ZNF410: variants seen among roughly 807,000 people sequenced by gnomAD.
ZNF410 encodes the protein another partner for ARF 1.
A neutral mutation model predicts 54.8 loss-of-function variants in ZNF410; 18 were observed. That is an observed-to-expected ratio of 0.33 (90% CI 0.23 to 0.49). ZNF410 has a LOEUF of 0.49. Ranked by LOEUF, ZNF410 falls within the 20% of genes least tolerant of loss-of-function variation. The pLI, the probability that ZNF410 is intolerant of heterozygous loss-of-function variation, is 0.99. For missense variants in ZNF410, 405 were observed against 569.6 expected, an observed-to-expected ratio of 0.71 and a Z score of 2.94; for synonymous variants, 191 against 207.3, an observed-to-expected ratio of 0.92 and a Z score of 0.68.
At chr14:73,908,675 C>A (rs1238558158) in intron 7 of ZNF410, among the ~76,000 whole-genome samples, 1 of 152,164 alleles carries the variant, frequency 6.6e-6, no homozygotes, top group Admixed American at 6.5e-5. Flanking sequence ...ATTCCTGGTG[C>A]CTGAAATTTC....
chr14:73,899,129 G>A (rs2055367100), intron 5 of ZNF410, among the ~76,000 whole-genome samples: 1 of 151,260 alleles, frequency 6.6e-6, no homozygotes, highest in South Asian at 2.1e-4. Flanking sequence ...ACAGTTGTTT[G>A]GAGTTTATGC....
chr14:73,909,045 A>T (rs938351473), intron 7 of ZNF410, among the ~76,000 whole-genome samples: 5 of 152,214 alleles, frequency 3.3e-5, no homozygotes, highest in Non-Finnish European at 7.3e-5. Flanking sequence ...ATATCCTCAG[A>T]TGGTGGGAGT....
intron 5 of ZNF410, among the ~76,000 whole-genome samples, chr14:73,900,159 C>T (rs937457315): frequency 6.7e-6 from 1 of 150,366 alleles, no homozygotes; most frequent in Non-Finnish European, 1.5e-5. Context: ...CACCACTGCA[C>T]TCCAGCCTGG....
intron 8 of ZNF410, among the ~76,000 whole-genome samples, chr14:73,918,997 C>CTTTTTTTTTT: frequency 1.6e-5 from 1 of 60,622 alleles, no homozygotes; most frequent in Non-Finnish European, 2.7e-5. Flanking sequence ...CGTGCCCGGC[C>CTTTTTTTTTT]TTTTTTTTTT....
rs1283292853 is a variant in ZNF410 at position 73,893,951 on chromosome 14, A to G, written c.169+19A>G. 1.9e-6 allele frequency: 3 copies of G among 1,603,510 alleles called. No homozygotes were observed. The highest frequency in any genetic ancestry group is 2.6e-6 in the Non-Finnish European group (3 of 1,176,160). The stretch of plus-strand genomic sequence containing the variant: ...TTACCAGGTAAAAATTAAGATCACT[A>G]GAAATAGGATAAAGAAGTCTTAAGA... On this transcript the variant is annotated intron_variant, in intron 3 of 11. Transcript: ENST00000555044.
intron 8 of ZNF410, 191 bp from the exon 9 acceptor site, chr14:73,920,789 A>G (rs1472928981): frequency 3.2e-6 from 2 of 623,376 alleles, no homozygotes; most frequent in Non-Finnish European, 5.4e-6. Context: ...GGAGTGTGCT[A>G]AAGCCCTCCT....
chr14:73,932,129 T>C lies in ZNF410; in HGVS notation c.*588T>C. 2.4e-6 allele frequency: 1 copy of C among 409,406 alleles called. No homozygotes were observed. The highest frequency in any genetic ancestry group is 1.7e-5 in the South Asian group (1 of 57,336). 25.4% of individuals were successfully genotyped at this position (409,406 alleles called of 1,614,324 possible). On this transcript the variant is annotated 3_prime_UTR_variant, in exon 12 of 12. Coordinates refer to ENST00000555044, the MANE Select transcript of ZNF410 (RefSeq NM_021188.3). ...CAGGCTGAGGTACTATCTTGTCCTA[T>C]ACACTTCTACTTGGTCACTTTGCTT... is the stretch of plus-strand genomic sequence containing the variant.
rs1291276021 is a variant in ZNF410 at position 73,931,759 on chromosome 14, G to T, written c.*218G>T. ...AGACAAGGAATGAAGCAATGACTGT[G>T]GGCTGGGAAACTGTACCTACCTCTC... is the stretch of plus-strand genomic sequence containing the variant. On this transcript the variant is annotated 3_prime_UTR_variant, in exon 12 of 12. Coordinates refer to ENST00000555044, the MANE Select transcript of ZNF410 (RefSeq NM_021188.3). 3 of 555,888 alleles carry T rather than the reference G, an allele frequency of 5.4e-6. No homozygotes were observed. In the Admixed American group the frequency reaches 9.2e-5, roughly 17 times the overall value. The allele number at this position is 555,888 out of a possible 1,614,324, so 34.4% of individuals were successfully genotyped here.
chr14:73,891,721 G>A, intron 1 of ZNF410: 1 of 334,640 alleles, frequency 3.0e-6, no homozygotes, highest in Non-Finnish European at 5.4e-6. Context: ...GGGTGTGTGT[G>A]TGTGTATACA....
Position 73,922,080 on chromosome 14 carries a change from G to A in ZNF410, c.1144G>A (p.Gly382Ser). Residue 382 changes from glycine to serine, a missense_variant, in exon 10 of 12, where the codon GGC becomes AGC. Physicochemically the swap from Gly to Ser is moderately conservative, Grantham distance 56 (BLOSUM62 0). Coordinates refer to ENST00000555044, the MANE Select transcript of ZNF410 (RefSeq NM_021188.3). Reference protein sequence around the residue: ...EQEQTAEPLMGSSLLEEASVP... With the variant: ...EQEQTAEPLMSSSLLEEASVP... The stretch of plus-strand genomic sequence containing the variant: ...TCTCTGTGCAGCTGAGCCACTAATG[G>A]GCAGTAGTTTGCTTGAAGAGGCTTC... 6.2e-7 allele frequency: 1 copy of A among 1,614,076 alleles called. No individual in the cohort carries two copies. Among genetic ancestry groups the A allele is most frequent in the East Asian group, 2.2e-5 (1 of 44,882 alleles).
rs2055283071 is a variant in ZNF410 at position 73,894,547 on chromosome 14, C to T, written c.169+615C>T. On this transcript the variant is annotated intron_variant, in intron 3 of 11. Coordinates refer to ENST00000555044, the MANE Select transcript of ZNF410 (RefSeq NM_021188.3). Reference sequence around the variant, plus strand: ...GTTCAAGCTATTCTCCTGCCTCAGCCTCCTAAGTAGCTGGGATTACAGGTG... The same window carrying T: ...GTTCAAGCTATTCTCCTGCCTCAGCTTCCTAAGTAGCTGGGATTACAGGTG... 4.7e-6 allele frequency: 3 copies of T among 632,226 alleles called. No individual in the cohort carries two copies. The Admixed American group carries it at 7.6e-5, about 16-fold the overall frequency. The allele number at this position is 632,226 out of a possible 1,614,324, so 39.2% of individuals were successfully genotyped here.
intron 1 of ZNF410, chr14:73,888,242 A>G (rs2055174140): frequency 6.6e-6 from 1 of 152,194 alleles, no homozygotes; most frequent in Non-Finnish European, 1.5e-5. Flanking sequence ...TTGGTAAGGA[A>G]GATAATAATC....
Position 73,931,740 on chromosome 14 carries a change from G to A in ZNF410, c.*199G>A, listed in dbSNP as rs546669890. On this transcript the variant is annotated 3_prime_UTR_variant, in exon 12 of 12. Coordinates refer to ENST00000555044, the MANE Select transcript of ZNF410 (RefSeq NM_021188.3). ...TTCTAACTACCATCTGATCAGACAA[G>A]GAATGAAGCAATGACTGTGGGCTGG... The A allele has an allele frequency of 9.7e-5, 57 of 587,902 alleles. 1 individual carries two copies. Among genetic ancestry groups the A allele is most frequent in the South Asian group, 9.6e-4 (55 of 57,044 alleles). The allele number at this position is 587,902 out of a possible 1,614,324, so 36.4% of individuals were successfully genotyped here.
chr14:73,926,485 G>C (rs550854125), intron 11 of ZNF410, among the ~76,000 whole-genome samples: 6 of 152,052 alleles, frequency 3.9e-5, no homozygotes, highest in African/African-American at 1.4e-4. Context: ...CAGGTCAAGA[G>C]TGCAGTGGCG....
intron 5 of ZNF410, 143 bp downstream of exon 5, chr14:73,898,405 ATT>A: frequency 1.0e-6 from 1 of 964,870 alleles, no homozygotes; most frequent in South Asian, 1.7e-5. Flanking sequence ...TTTAAATTTT[ATT>A]TTCTATAAAA....
chr14:73,923,328 T>A (rs917134713), intron 10 of ZNF410, 67 bp from the exon 11 acceptor site: 27 of 1,539,644 alleles, frequency 1.8e-5, no homozygotes, highest in Non-Finnish European at 2.3e-5. Context: ...AATGAGAGGC[T>A]TAATGATCCA....
At chr14:73,921,532 C>T (rs1191003644) in intron 9 of ZNF410, among the ~76,000 whole-genome samples, 3 of 152,104 alleles carry the variant, frequency 2.0e-5, no homozygotes, top group African/African-American at 7.2e-5. Context: ...GGCTGGAGTG[C>T]AGTGGCGCCA....
chr14:73,913,774 C>G (rs976193373), intron 8 of ZNF410: 1 of 151,272 alleles, frequency 6.6e-6, no homozygotes, highest in Non-Finnish European at 1.5e-5. Context: ...CACACCACCA[C>G]ATCTAGCTAA....
chr14:73,896,565 A>C, intron 4 of ZNF410, 31 bp downstream of exon 4: 1 of 1,573,816 alleles, frequency 6.4e-7, no homozygotes, highest in Non-Finnish European at 8.6e-7. Flanking sequence ...GGCTCTGCTT[A>C]TGCCTAAGAA....
Sources: gnomAD v4.1 joint callset for allele counts (sites outside exome capture counted in the v4.1 genomes callset) on GRCh38, gnomAD v4.1.1 for gene constraint, MANE v1.5 for transcripts, NCBI Gene and HGNC (gene_info 2026-07-23, HGNC 2026-07-21) for gene names.